ZEB1: variants seen among roughly 807,000 people sequenced by gnomAD.
ZEB1 encodes the protein zinc finger E-box-binding homeobox 1.
A neutral mutation model predicts 84.9 loss-of-function variants in ZEB1; 21 were observed. That is an observed-to-expected ratio of 0.25 (90% CI 0.18 to 0.36). The LOEUF (loss-of-function observed/expected upper bound fraction) is 0.36. Among genes scored for constraint, ZEB1 ranks in the 10% least tolerant of loss-of-function variants. ZEB1 has a pLI of 1.00. For synonymous variants in ZEB1, 420 were observed against 471.1 expected (o/e 0.89, Z 1.41); for missense variants, 1,104 against 1,330.2 (o/e 0.83, Z 2.65).
intron 1 of ZEB1, among the ~76,000 whole-genome samples, chr10:31,352,380 C>T (rs1258764824): frequency 3.3e-5 from 5 of 152,172 alleles, no homozygotes; most frequent in Admixed American, 1.3e-4. Flanking sequence ...CTTATTGGCC[C>T]TTCTAGTGCC....
chr10:31,362,995 G>A lies in ZEB1; in HGVS notation c.58+43703G>A, dbSNP rs763674598. ...AGGAGATAGACATGGAAGCTTTGCC[G>A]GTGGGGGCCGCTCGTCTCTATCACA... On this transcript the variant is annotated intron_variant, in intron 1 of 8. Transcript: ENST00000424869. 4.2e-5 allele frequency: 64 copies of A among 1,533,898 alleles called. 1 individual carries two copies. Among genetic ancestry groups the A allele is most frequent in the African/African-American group, 2.9e-4 (21 of 72,958 alleles).
At chr10:31,469,586 C>G (rs1207764386) in intron 2 of ZEB1, among the ~76,000 whole-genome samples, 1 of 152,216 alleles carries the variant, frequency 6.6e-6, no homozygotes, top group African/African-American at 2.4e-5. Context: ...TCGCTGATTG[C>G]TAGCACAGCA....
chr10:31,328,250 T>C (rs1292322984), intron 1 of ZEB1, among the ~76,000 whole-genome samples: 1 of 152,176 alleles, frequency 6.6e-6, no homozygotes, highest in African/African-American at 2.4e-5. Flanking sequence ...GAGGAACAAG[T>C]ATAGCAGTTA....
intron 1 of ZEB1, chr10:31,389,590 C>G (rs1045550809): frequency 2.0e-5 from 3 of 151,844 alleles, no homozygotes; most frequent in East Asian, 1.9e-4. Context: ...GTTTACCGTA[C>G]TGATTTTTTT....
At chr10:31,334,067 G>A (rs1264526214) in intron 1 of ZEB1, among the ~76,000 whole-genome samples, 1 of 151,876 alleles carries the variant, frequency 6.6e-6, no homozygotes, top group East Asian at 1.9e-4. Context: ...AGAAGAAATA[G>A]GTAAATTTAT....
rs568379519 is a variant in ZEB1, at chr10:31,424,009, T to G, written c.59-37028T>G. ...ATACAAAGCCAAATATTTGCTTTTG[T>G]TTTTTTGTTGTTGTTGTTTTTCTTT... On this transcript the variant is annotated intron_variant, in intron 1 of 8. Coordinates refer to ENST00000424869, the MANE Select transcript of ZEB1 (RefSeq NM_001174096.2). 2.6e-5 allele frequency among the ~76,000 whole-genome samples: 4 copies of G among 152,128 alleles called. No individual in the cohort carries two copies. In the East Asian group the frequency reaches 7.7e-4, roughly 29 times the overall value.
intron 1 of ZEB1, chr10:31,372,964 G>T: frequency 1.0e-6 from 1 of 978,346 alleles, no homozygotes; most frequent in Non-Finnish European, 1.2e-6. Flanking sequence ...TAGAGTTATT[G>T]CTCTTATCAG....
At chr10:31,418,749 A>G (rs1246136792) in intron 1 of ZEB1, among the ~76,000 whole-genome samples, 1 of 152,064 alleles carries the variant, frequency 6.6e-6, no homozygotes, top group African/African-American at 2.4e-5. Context: ...ACCCTTTGTG[A>G]TTGAGTAGGC....
chr10:31,411,703 C>CAG (rs2054325676), intron 1 of ZEB1, among the ~76,000 whole-genome samples: 1 of 146,658 alleles, frequency 6.8e-6, no homozygotes, highest in African/African-American at 2.5e-5. Flanking sequence ...ATAAATTTCT[C>CAG]TCCCACAAGA....
At chr10:31,349,290 G>A (rs1314640621) in intron 1 of ZEB1, among the ~76,000 whole-genome samples, 4 of 152,158 alleles carry the variant, frequency 2.6e-5, no homozygotes, top group African/African-American at 9.7e-5. Context: ...TGTTGTGTGC[G>A]TATACTACAT....
chr10:31,342,537 ATC>A (rs1437060291), intron 1 of ZEB1, among the ~76,000 whole-genome samples: 1 of 152,086 alleles, frequency 6.6e-6, no homozygotes, highest in African/African-American at 2.4e-5. Context: ...TTATTATTGA[ATC>A]TCTGTAGGCG....
intron 1 of ZEB1, among the ~76,000 whole-genome samples, chr10:31,440,640 T>C (rs1016693142): frequency 6.6e-6 from 1 of 152,164 alleles, no homozygotes; most frequent in African/African-American, 2.4e-5. Context: ...GATGACATGA[T>C]TGTATATTTA....
At chr10:31,429,732 A>G (rs561378172) in intron 1 of ZEB1, among the ~76,000 whole-genome samples, 95 of 124,038 alleles carry the variant, frequency 7.7e-4, no homozygotes, top group Admixed American at 1.1e-3. Context: ...TACAGGCAGA[A>G]CTTTTTTTTT....
intron 1 of ZEB1, among the ~76,000 whole-genome samples, chr10:31,386,801 A>ATG (rs1211570352): frequency 1.3e-5 from 2 of 152,148 alleles, no homozygotes; most frequent in Admixed American, 6.5e-5. Flanking sequence ...GAGTTTAGCT[A>ATG]TGTATATATA....
intron 1 of ZEB1, among the ~76,000 whole-genome samples, chr10:31,343,537 T>G (rs1238192202): frequency 6.6e-6 from 1 of 152,172 alleles, no homozygotes; most frequent in Non-Finnish European, 1.5e-5. Context: ...GAATTTTTCA[T>G]TTTGTGGTTG....
Position 31,487,266 on chromosome 10 carries a change from A to T in ZEB1, c.260-8510A>T, listed in dbSNP as rs185285829. Among the ~76,000 whole-genome samples, 41 of 151,518 alleles carry T rather than the reference A, an allele frequency of 2.7e-4. 1 individual carries two copies. The East Asian group carries it at 7.8e-3, about 29-fold the overall frequency. On this transcript the variant is annotated intron_variant, in intron 2 of 8. Coordinates refer to ENST00000424869, the MANE Select transcript of ZEB1 (RefSeq NM_001174096.2). Reference sequence around the variant, plus strand: ...TTGCCTTTTCATATAAATTTTAGATAATCTATTTATATTAAAAATAATCAT... The same window carrying T: ...TTGCCTTTTCATATAAATTTTAGATTATCTATTTATATTAAAAATAATCAT...
At chr10:31,410,484 A>G (rs1388265885) in intron 1 of ZEB1, among the ~76,000 whole-genome samples, 3 of 152,208 alleles carry the variant, frequency 2.0e-5, no homozygotes, top group East Asian at 3.9e-4. Context: ...TTGTGTATCT[A>G]CCAGGTTTTG....
intron 5 of ZEB1, among the ~76,000 whole-genome samples, chr10:31,513,575 G>A (rs1393339456): frequency 6.6e-6 from 1 of 152,142 alleles, no homozygotes; most frequent in East Asian, 1.9e-4. Flanking sequence ...TTCAGAGTAA[G>A]TACTAATTCT....
Position 31,510,865 on chromosome 10 carries a change from G to A in ZEB1, c.677G>A (p.Gly226Glu). 1 of 1,613,680 alleles carries A rather than the reference G, an allele frequency of 6.2e-7. No homozygotes were observed. Among genetic ancestry groups the A allele is most frequent in the African/African-American group, 1.3e-5 (1 of 75,028 alleles). The change falls in exon 5 of 9, where the codon GGA becomes GAA. Residue 226 changes from glycine to glutamate, a missense_variant. Gly to Glu is a moderately conservative substitution (Grantham distance 98). Transcript: ENST00000424869. ...LERHMTSHKSGRDQRHVTQSG... is the reference protein window; with the variant it reads ...LERHMTSHKSERDQRHVTQSG... ...CGTCACATGACATCACATAAATCAGGAAGAGATCAAGTAAGTGCAATGACT... is the reference window on the plus strand; with the variant it reads ...CGTCACATGACATCACATAAATCAGAAAGAGATCAAGTAAGTGCAATGACT...
Sources: gnomAD v4.1 joint callset for allele counts (sites outside exome capture counted in the v4.1 genomes callset) on GRCh38, gnomAD v4.1.1 for gene constraint, MANE v1.5 for transcripts, NCBI Gene and HGNC (gene_info 2026-07-23, HGNC 2026-07-21) for gene names.